HCK: variants seen among roughly 807,000 people sequenced by gnomAD.
The protein encoded by HCK is tyrosine-protein kinase HCK.
Under a neutral mutation model 70.4 loss-of-function variants are expected in HCK, and 40 were observed. The ratio of observed to expected loss-of-function variants is 0.57; its 90% CI spans 0.44 to 0.74. HCK has a LOEUF of 0.74. HCK is among the 30% of genes least tolerant of loss of function. HCK has a pLI of 0.00. For missense variants in HCK, 568 were observed against 697.2 expected, an observed-to-expected ratio of 0.81 and a Z score of 2.09; for synonymous variants, 245 against 263.2, an observed-to-expected ratio of 0.93 and a Z score of 0.67.
Position 32,093,403 on chromosome 20 carries a change from T to A in HCK, c.1093-460T>A, listed in dbSNP as rs572933301. Reference sequence around the variant, plus strand: ...CCCAGGCTGGGGCATGAGGAAGATATGAGAGGTATAGCAGAATATGACATG... The same window carrying A: ...CCCAGGCTGGGGCATGAGGAAGATAAGAGAGGTATAGCAGAATATGACATG... On this transcript the variant is annotated intron_variant, in intron 10 of 12. Coordinates refer to ENST00000375852, the MANE Select transcript of HCK (RefSeq NM_002110.5). Among the ~76,000 whole-genome samples the A allele has an allele frequency of 2.6e-5, 4 of 152,080 alleles. No individual in the cohort carries two copies. In the East Asian group the frequency reaches 7.7e-4, roughly 29 times the overall value.
intron 6 of HCK, among the ~76,000 whole-genome samples, chr20:32,082,697 T>C (rs2045724993): frequency 6.6e-6 from 1 of 152,096 alleles, no homozygotes; most frequent in Admixed American, 6.6e-5. Context: ...TGTACTATTA[T>C]CATGGTAAAG....
At chr20:32,081,932 C>T (rs1016714628) in intron 6 of HCK, among the ~76,000 whole-genome samples, 1 of 152,178 alleles carries the variant, frequency 6.6e-6, no homozygotes, top group Admixed American at 6.5e-5. Flanking sequence ...GAATTTTAGC[C>T]GATTTAATAA....
intron 10 of HCK, among the ~76,000 whole-genome samples, chr20:32,091,682 A>C (rs1397915819): frequency 6.6e-6 from 1 of 151,976 alleles, no homozygotes; most frequent in East Asian, 1.9e-4. Flanking sequence ...TTTTTACTGA[A>C]AAATTTGGGT....
chr20:32,076,893 C>T (rs1309785738), intron 5 of HCK, among the ~76,000 whole-genome samples: 3 of 152,092 alleles, frequency 2.0e-5, no homozygotes, highest in African/African-American at 7.2e-5. Flanking sequence ...CAAGACCAGC[C>T]TGGCCTACAT....
chr20:32,071,811 G>A, intron 2 of HCK, 29 bp downstream of exon 2: 2 of 1,608,536 alleles, frequency 1.2e-6, no homozygotes, highest in Non-Finnish European at 1.7e-6. Flanking sequence ...AGTTTCCCTG[G>A]GGGCTGACGG....
At chr20:32,101,209 G>A in intron 12 of HCK, 108 bp from the exon 13 acceptor site, 5 of 906,916 alleles carry the variant, frequency 5.5e-6, no homozygotes, top group Non-Finnish European at 8.6e-6. Flanking sequence ...GGCTCAGCTT[G>A]CAAGGTGAGG....
At chr20:32,093,543 ATG>A (rs1208594781) in intron 10 of HCK, among the ~76,000 whole-genome samples, 1 of 136,340 alleles carries the variant, frequency 7.3e-6, no homozygotes, top group Non-Finnish European at 1.6e-5. Flanking sequence ...GTGTGTGTGT[ATG>A]TGTGTTCCTG....
intron 6 of HCK, among the ~76,000 whole-genome samples, chr20:32,080,436 A>G (rs1441538879): frequency 6.6e-6 from 1 of 151,852 alleles, no homozygotes; most frequent in African/African-American, 2.4e-5. Flanking sequence ...TGACCTTGCG[A>G]TCCACCCCTC....
intron 1 of HCK, among the ~76,000 whole-genome samples, chr20:32,053,637 C>CAAAAAAA (rs1160849578): frequency 4.3e-4 from 26 of 60,786 alleles, no homozygotes; most frequent in Non-Finnish European, 6.1e-4. Flanking sequence ...GACTCTGTCT[C>CAAAAAAA]AAAAAAAAAA....
At chr20:32,067,594 A>G (rs1437943878) in intron 1 of HCK, among the ~76,000 whole-genome samples, 1 of 135,794 alleles carries the variant, frequency 7.4e-6, no homozygotes, top group Non-Finnish European at 1.5e-5. Context: ...TTCCTACTAC[A>G]TAAAGTATGG....
intron 11 of HCK, 37 bp from the exon 12 acceptor site, chr20:32,098,967 C>A: frequency 1.9e-6 from 3 of 1,606,240 alleles, no homozygotes; most frequent in Non-Finnish European, 2.6e-6. Context: ...TCACTACTCC[C>A]CAGCCTTCCC....
At chr20:32,099,219 G>C (rs1468003836) in intron 12 of HCK, 84 bp downstream of exon 12, 2 of 1,436,124 alleles carry the variant, frequency 1.4e-6, no homozygotes, top group Non-Finnish European at 9.6e-7. Context: ...CATTCAAACT[G>C]AGTTCTTGAT....
intron 5 of HCK, among the ~76,000 whole-genome samples, chr20:32,078,045 T>C (rs931454539): frequency 6.6e-6 from 1 of 151,654 alleles, no homozygotes; most frequent in Non-Finnish European, 1.5e-5. Flanking sequence ...GTTTGTTTGT[T>C]TGTTTTTGAG....
chr20:32,097,053 G>A (rs957662949), intron 11 of HCK, among the ~76,000 whole-genome samples: 2 of 152,078 alleles, frequency 1.3e-5, no homozygotes, highest in African/African-American at 4.8e-5. Context: ...GCCAAAATGG[G>A]CAGATTGCTT....
intron 1 of HCK, among the ~76,000 whole-genome samples, chr20:32,070,142 G>A (rs547340954): frequency 1.3e-5 from 2 of 152,206 alleles, no homozygotes; most frequent in Admixed American, 1.3e-4. Flanking sequence ...CCTGTCCAAT[G>A]CTTACCTCCT....
At chr20:32,095,213 C>A (rs1037754446) in intron 11 of HCK, among the ~76,000 whole-genome samples, 1 of 152,134 alleles carries the variant, frequency 6.6e-6, no homozygotes, top group Non-Finnish European at 1.5e-5. Context: ...AACATGAAGA[C>A]CACATGTTGT....
At chr20:32,056,821 A>C (rs1427702288) in intron 1 of HCK, among the ~76,000 whole-genome samples, 1 of 152,126 alleles carries the variant, frequency 6.6e-6, no homozygotes, top group Non-Finnish European at 1.5e-5. Context: ...CTAGAAAGTA[A>C]ATTCTACAAG....
Position 32,084,380 on chromosome 20 carries a change from C to T in HCK, c.683-11C>T. 6.2e-7 allele frequency: 1 copy of T among 1,608,428 alleles called. No homozygotes were observed. Among genetic ancestry groups the T allele is most frequent in the Non-Finnish European group, 8.5e-7 (1 of 1,176,986 alleles). ...CTTGTTGCTCTCAATTGACCAGGGA[C>T]TCTGTTCCAGAGGGGAACGACGGGC... is the stretch of plus-strand genomic sequence containing the variant. On this transcript the variant is annotated splice_polypyrimidine_tract_variant and intron_variant, in intron 7 of 12. Coordinates refer to ENST00000375852, the MANE Select transcript of HCK (RefSeq NM_002110.5).
chr20:32,072,051 C>T, intron 2 of HCK: 1 of 461,858 alleles, frequency 2.2e-6, no homozygotes, highest in Non-Finnish European at 3.8e-6. Flanking sequence ...CATCTCAGGC[C>T]TCCGGCCTGG....
Sources: gnomAD v4.1 joint callset for allele counts (sites outside exome capture counted in the v4.1 genomes callset) on GRCh38, gnomAD v4.1.1 for gene constraint, MANE v1.5 for transcripts, NCBI Gene and HGNC (gene_info 2026-07-23, HGNC 2026-07-21) for gene names.